UBR4: variants seen among roughly 807,000 people sequenced by gnomAD.
UBR4 encodes E3 ubiquitin-protein ligase UBR4.
A neutral mutation model predicts 575.6 loss-of-function variants in UBR4; 124 were observed. The ratio of observed to expected loss-of-function variants is 0.22; its 90% CI spans 0.19 to 0.25. UBR4 has a LOEUF of 0.25. Among genes scored for constraint, UBR4 ranks in the 10% least tolerant of loss-of-function variants. The pLI is 1.00. For synonymous variants in UBR4, 2,455 were observed against 2,473.7 expected (o/e 0.99, Z 0.22); for missense variants, 4,818 against 6,478.8 (o/e 0.74, Z 8.80).
chr1:19,117,522 T>C lies in UBR4; in HGVS notation c.10630-108A>G. ...TCATCCACAAGATGAAGTTTCTATT[T>C]AATTTTTTAAAAAATATTTTGTAGA... On this transcript the variant is annotated intron_variant, in intron 72 of 105. Coordinates refer to ENST00000375254, the MANE Select transcript of UBR4 (RefSeq NM_020765.3). This position sits in a 1 kb window ranked among gnomAD's most constrained non-coding sequence, Gnocchi z 4.0. 1 of 1,264,374 alleles carries C rather than the reference T, an allele frequency of 7.9e-7. No homozygotes were observed. The highest frequency in any genetic ancestry group is 1.1e-6 in the Non-Finnish European group (1 of 922,386). The allele number at this position is 1,264,374 out of a possible 1,614,324, so 78.3% of individuals were successfully genotyped here. A position where few individuals can be genotyped will look rare whatever the true frequency, so the allele number is the denominator to read the frequency against.
At chr1:19,149,339 C>A (rs145524466) in intron 49 of UBR4, among the ~76,000 whole-genome samples, 2 of 152,176 alleles carry the variant, frequency 1.3e-5, no homozygotes, top group African/African-American at 4.8e-5. Flanking sequence ...CAGAAGGTAA[C>A]TGGAAAGAAA....
chr1:19,133,583 C>T (rs779580628), intron 60 of UBR4, among the ~76,000 whole-genome samples: 11 of 151,974 alleles, frequency 7.2e-5, no homozygotes, highest in Non-Finnish European at 1.2e-4. Context: ...AAGATTGGAA[C>T]GAAAAAAGTT....
chr1:19,143,275 A>G (rs376959645), intron 55 of UBR4, among the ~76,000 whole-genome samples: 13 of 77,438 alleles, frequency 1.7e-4, no homozygotes, highest in South Asian at 1.1e-3. Context: ...AGAAAGAAAG[A>G]AAGAAAGAAA....
chr1:19,197,581 T>C lies in UBR4; in HGVS notation c.893+89A>G. On this transcript the variant is annotated intron_variant, in intron 7 of 105. Coordinates refer to ENST00000375254, the MANE Select transcript of UBR4 (RefSeq NM_020765.3). ...AGACGAGGTTACAGTGAACCGAGAC[T>C]GCACCCCTGCACTCCAGCCTGGGTG... is the stretch of plus-strand genomic sequence containing the variant. 2.6e-6 allele frequency: 4 copies of C among 1,531,206 alleles called. No homozygotes were observed. In the South Asian group the frequency reaches 3.7e-5, roughly 14 times the overall value. 94.9% of individuals were successfully genotyped at this position (1,531,206 alleles called of 1,614,324 possible).
chr1:19,150,723 C>T lies in UBR4; in HGVS notation c.7284G>A (p.Glu2428=), dbSNP rs748793099. 2 of 1,614,068 alleles carry T rather than the reference C, an allele frequency of 1.2e-6. No homozygotes were observed. Among genetic ancestry groups the T allele is most frequent in the Non-Finnish European group, 1.7e-6 (2 of 1,180,008 alleles). ...DAVKIYGKTK[E]QFGWPDEPPE... ...GGGGCTCATCAGGCCAGCCAAACTG[C>T]TCCTTAGTCTTGCCATAAATTTTTA... Residue 2428 remains glutamate (E), a synonymous_variant, in exon 49 of 106, where the codon GAG becomes GAA. Transcript: ENST00000375254.
At position 19,198,974 on chromosome 1, in the gene UBR4, A is replaced by T. The variant is rs1020986979; in HGVS notation, c.379-46T>A. 4 of 1,591,394 alleles carry T rather than the reference A, an allele frequency of 2.5e-6. No individual in the cohort carries two copies. In the South Asian group the frequency reaches 4.5e-5, roughly 18 times the overall value. On this transcript the variant is annotated intron_variant, in intron 3 of 105. Transcript: ENST00000375254. ...AACAAAAGAAAACAAAAACAAATAG[A>T]TCTTTCAGAAAATTCTACTCTTTTG...
In UBR4 at chr1:19,153,978, C is replaced by T. The variant is rs764675002; in HGVS notation, c.6459-39G>A. 1.2e-6 allele frequency: 2 copies of T among 1,602,254 alleles called. No homozygotes were observed. Among genetic ancestry groups the T allele is most frequent in the African/African-American group, 1.3e-5 (1 of 74,494 alleles). Reference sequence around the variant, plus strand: ...AACTGGCCACAGTTAGAGTGTCAGTCACCATTTAATAGTTCTTTTCTTGAC... The same window carrying T: ...AACTGGCCACAGTTAGAGTGTCAGTTACCATTTAATAGTTCTTTTCTTGAC... On this transcript the variant is annotated intron_variant, in intron 44 of 105. Transcript: ENST00000375254. This position sits in a 1 kb window ranked among gnomAD's most constrained non-coding sequence, Gnocchi z 4.1.
intron 44 of UBR4, 119 bp from the exon 45 acceptor site, chr1:19,154,058 G>A (rs1273282623): frequency 1.8e-6 from 2 of 1,123,380 alleles, no homozygotes; most frequent in East Asian, 2.5e-5. Flanking sequence ...CCTTGGCCAG[G>A]GACTCAGATT....
At chr1:19,147,946 G>C in intron 51 of UBR4, 47 bp downstream of exon 51, 1 of 1,589,094 alleles carries the variant, frequency 6.3e-7, no homozygotes, top group Non-Finnish European at 8.6e-7. Flanking sequence ...TAACTTATTT[G>C]ATTCCCTGTC....
At chr1:19,196,893 G>C (rs1571757563) in intron 8 of UBR4, among the ~76,000 whole-genome samples, 1 of 152,280 alleles carries the variant, frequency 6.6e-6, no homozygotes, top group Non-Finnish European at 1.5e-5. Context: ...TTTTCATATA[G>C]TAAATATTTA....
Position 19,117,750 on chromosome 1 carries a change from G to T in UBR4, c.10629+73C>A. On this transcript the variant is annotated intron_variant, in intron 72 of 105. Coordinates refer to ENST00000375254, the MANE Select transcript of UBR4 (RefSeq NM_020765.3). This position sits in a 1 kb window ranked among gnomAD's most constrained non-coding sequence, Gnocchi z 4.0. ...AGGAGAGGAACATCTATGTGATAAT[G>T]ATCCATCTCTGGAAACAAGAATCCC... 7.2e-7 allele frequency: 1 copy of T among 1,381,740 alleles called. No homozygotes were observed. Among genetic ancestry groups the T allele is most frequent in the Non-Finnish European group, 1.0e-6 (1 of 973,796 alleles). The allele number at this position is 1,381,740 out of a possible 1,614,324, so 85.6% of individuals were successfully genotyped here. A position where few individuals can be genotyped will look rare whatever the true frequency, so the allele number is the denominator to read the frequency against.
chr1:19,180,029 A>G (rs1376270328), intron 17 of UBR4, among the ~76,000 whole-genome samples: 1 of 152,196 alleles, frequency 6.6e-6, no homozygotes, highest in African/African-American at 2.4e-5. Flanking sequence ...CGTGGACTAC[A>G]CAGTTACCAT....
chr1:19,174,819 G>C (rs950879644), intron 21 of UBR4, 135 bp downstream of exon 21: 4 of 827,402 alleles, frequency 4.8e-6, no homozygotes, highest in Non-Finnish European at 7.4e-6. Flanking sequence ...TTTCCTATTA[G>C]AATAAGCTCA....
chr1:19,192,181 C>T lies in UBR4; in HGVS notation c.1394+7G>A, dbSNP rs755113727. 5 of 1,613,278 alleles carry T rather than the reference C, an allele frequency of 3.1e-6. No homozygotes were observed. The East Asian group carries it at 1.1e-4, about 36-fold the overall frequency. ...AAAATATAAGTTATAATCAAGTAGA[C>T]ACATACCCTTTTCCAGGCCCCAGTT... On this transcript the variant is annotated splice_region_variant and intron_variant, in intron 11 of 105. Coordinates refer to ENST00000375254, the MANE Select transcript of UBR4 (RefSeq NM_020765.3).
At chr1:19,099,996 A>C (rs2078456367) in intron 89 of UBR4, 4 of 438,820 alleles carry the variant, frequency 9.1e-6, no homozygotes, top group Non-Finnish European at 1.6e-5. Flanking sequence ...ACGGTCTGCC[A>C]GAAAGTAACT....
intron 86 of UBR4, 148 bp downstream of exon 86, chr1:19,104,436 CG>C: frequency 8.8e-7 from 1 of 1,129,990 alleles, no homozygotes; most frequent in Non-Finnish European, 1.2e-6. Flanking sequence ...AAATCATAAA[CG>C]TATCAATACA....
chr1:19,109,748 T>C (rs957284297), intron 81 of UBR4, among the ~76,000 whole-genome samples: 3 of 152,356 alleles, frequency 2.0e-5, no homozygotes, highest in East Asian at 3.9e-4. Context: ...CTTCAGAGCC[T>C]GGGATTTCTA....
intron 105 of UBR4, 46 bp from the exon 106 acceptor site, chr1:19,074,942 C>A: frequency 6.3e-7 from 1 of 1,596,300 alleles, no homozygotes; most frequent in South Asian, 1.1e-5. Flanking sequence ...AGGCATACAG[C>A]CCCCATTCCC....
Position 19,126,637 on chromosome 1 carries a change from T to A in UBR4, c.9247A>T (p.Ser3083Cys). 1.2e-6 allele frequency: 2 copies of A among 1,613,694 alleles called. No individual in the cohort carries two copies. Among genetic ancestry groups the A allele is most frequent in the Non-Finnish European group, 8.5e-7 (1 of 1,179,954 alleles). The change falls in exon 64 of 106, where the codon AGT becomes TGT. Residue 3083 changes from serine (S) to cysteine (C), a missense_variant. Physicochemically the swap from Ser to Cys is moderately radical, Grantham distance 112. Coordinates refer to ENST00000375254, the MANE Select transcript of UBR4 (RefSeq NM_020765.3). ...CTCAGTAGAGCTGCTGCTGTGGCACTGGAGATGAGGGAAGATGACTGGGAG... is the reference window on the plus strand; with the variant it reads ...CTCAGTAGAGCTGCTGCTGTGGCACAGGAGATGAGGGAAGATGACTGGGAG... ...SICESSSLISSATAAALLSSG... is the reference protein window; with the variant it reads ...SICESSSLISCATAAALLSSG...
Sources: gnomAD v4.1 joint callset for allele counts (sites outside exome capture counted in the v4.1 genomes callset) on GRCh38, gnomAD v4.1.1 for gene constraint, Gnocchi (gnomAD v3.1) non-coding constraint, MANE v1.5 for transcripts, NCBI Gene and HGNC (gene_info 2026-07-23, HGNC 2026-07-21) for gene names.